SGCD: variants seen among roughly 807,000 people sequenced by gnomAD.
SGCD encodes the protein sarcoglycan delta.
A neutral mutation model predicts 36.6 loss-of-function variants in SGCD; 18 were observed. The observed-to-expected ratio is 0.49, with a 90% CI of 0.34 to 0.73. The LOEUF is 0.73. Ranked by LOEUF, SGCD falls within the 30% of genes least tolerant of loss-of-function variation. The pLI is 0.01. For synonymous variants in SGCD, 133 were observed against 130.6 expected, an observed-to-expected ratio of 1.02 and a Z score of -0.12; for missense variants, 387 against 346.7, an observed-to-expected ratio of 1.12 and a Z score of -0.92.
chr5:156,682,872 C>T (rs919335416), intron 7 of SGCD, among the ~76,000 whole-genome samples: 3 of 152,180 alleles, frequency 2.0e-5, no homozygotes, highest in African/African-American at 7.2e-5. Flanking sequence ...TACACATGCA[C>T]ACAGTAGAAT....
the SGCD span, among the ~76,000 whole-genome samples, chr5:155,755,374 C>A: frequency 6.6e-6 from 1 of 152,160 alleles, no homozygotes. Context: ...GTTTGTACTG[C>A]TCTGAGACCT....
intron 3 of SGCD, among the ~76,000 whole-genome samples, chr5:156,241,577 A>G (rs1765309332): frequency 6.6e-6 from 1 of 152,210 alleles, no homozygotes; most frequent in African/African-American, 2.4e-5. Context: ...TCCTTCTTTA[A>G]GAACTTTCCC....
At chr5:156,146,161 T>C (rs764702029) in intron 3 of SGCD, among the ~76,000 whole-genome samples, 2 of 152,054 alleles carry the variant, frequency 1.3e-5, no homozygotes, top group African/African-American at 4.8e-5. Flanking sequence ...TGCAGTGAGC[T>C]GAGATAGCGC....
intron 7 of SGCD, among the ~76,000 whole-genome samples, chr5:156,649,851 T>C (rs951706119): frequency 1.3e-5 from 2 of 152,028 alleles, no homozygotes; most frequent in Non-Finnish European, 2.9e-5. Context: ...CCCTAAAATT[T>C]GAAGTATAAT....
Position 156,610,538 on chromosome 5 carries a change from G to A in SGCD, c.502+15487G>A, listed in dbSNP as rs538472901. ...TGTCCGTTCTCAGATCTCCAGCTGC[G>A]TGCTGGGAGAACCACTACTCTCTTC... On this transcript the variant is annotated intron_variant, in intron 6 of 8. Coordinates refer to ENST00000337851, the MANE Select transcript of SGCD (RefSeq NM_000337.6). Among the ~76,000 whole-genome samples the A allele has an allele frequency of 1.3e-4, 20 of 152,354 alleles. No individual in the cohort carries two copies. In the East Asian group the frequency reaches 1.3e-3, roughly 10 times the overall value.
chr5:156,098,895 G>A (rs1761447785), intron 1 of SGCD, among the ~76,000 whole-genome samples: 2 of 152,186 alleles, frequency 1.3e-5, no homozygotes, highest in Non-Finnish European at 2.9e-5. Context: ...GGAAAGAGAT[G>A]CCTCAAGTTC....
At chr5:155,835,372 T>C in the SGCD span, among the ~76,000 whole-genome samples, 1 of 152,078 alleles carries the variant, frequency 6.6e-6, no homozygotes, top group Admixed American at 6.6e-5. Flanking sequence ...ATGTGAAAAA[T>C]GCAAACAATC....
chr5:156,487,368 G>A (rs1480071094), intron 3 of SGCD, among the ~76,000 whole-genome samples: 1 of 152,148 alleles, frequency 6.6e-6, no homozygotes, highest in African/African-American at 2.4e-5. Flanking sequence ...TTTCCCTATG[G>A]TAGCCAAGAC....
intron 1 of SGCD, among the ~76,000 whole-genome samples, chr5:155,890,117 G>A (rs1029906961): frequency 7.9e-5 from 12 of 152,156 alleles, no homozygotes; most frequent in African/African-American, 2.7e-4. Flanking sequence ...AATACTCATG[G>A]CTATATTTGA....
chr5:156,668,637 G>A (rs937817075), intron 7 of SGCD, among the ~76,000 whole-genome samples: 2 of 152,116 alleles, frequency 1.3e-5, no homozygotes, highest in African/African-American at 4.8e-5. Context: ...TTCCATTAGA[G>A]ACCAGGGAAG....
At chr5:155,984,459 A>C (rs531817949) in intron 1 of SGCD, among the ~76,000 whole-genome samples, 5 of 152,246 alleles carry the variant, frequency 3.3e-5, no homozygotes, top group African/African-American at 1.2e-4. Flanking sequence ...TTTCATGTAC[A>C]TGACCGTTTC....
intron 3 of SGCD, among the ~76,000 whole-genome samples, chr5:156,503,249 C>T (rs1434649427): frequency 6.6e-6 from 1 of 152,120 alleles, no homozygotes; most frequent in Non-Finnish European, 1.5e-5. Flanking sequence ...TTAGAGGGGC[C>T]TTCTCTTTTT....
rs1231500940 is a variant in SGCD at position 155,954,330 on chromosome 5, G to A, written c.-282+83906G>A. ...CTTCTTAGGTCATAAATTCGCTTTC[G>A]ACTGAATTAATTGCAGAAGTATGCA... is the stretch of plus-strand genomic sequence containing the variant. On this transcript the variant is annotated intron_variant, in intron 1 of 9. Coordinates refer to the SGCD transcript ENST00000517913. Among the ~76,000 whole-genome samples the A allele has an allele frequency of 2.0e-5, 3 of 152,110 alleles. 1 individual carries two copies. The South Asian group carries it at 6.2e-4, about 31-fold the overall frequency.
At chr5:155,800,602 T>TA in the SGCD span, among the ~76,000 whole-genome samples, 1 of 152,150 alleles carries the variant, frequency 6.6e-6, no homozygotes, top group South Asian at 2.1e-4. Flanking sequence ...TTTTTCATCT[T>TA]AAAACTTCAG....
intron 4 of SGCD, among the ~76,000 whole-genome samples, chr5:156,517,890 T>C (rs1561749855): frequency 2.0e-5 from 3 of 152,068 alleles, no homozygotes; most frequent in African/African-American, 7.2e-5. Flanking sequence ...AAAAAACACA[T>C]TGAAGTACAA....
intron 1 of SGCD, among the ~76,000 whole-genome samples, chr5:156,060,033 A>C (rs541736948): frequency 2.0e-5 from 3 of 146,708 alleles, no homozygotes; most frequent in Non-Finnish European, 4.6e-5. Flanking sequence ...AGATGCTCAT[A>C]AGTCAGTGGA....
At chr5:156,202,970 T>A (rs1764187529) in intron 3 of SGCD, among the ~76,000 whole-genome samples, 1 of 152,094 alleles carries the variant, frequency 6.6e-6, no homozygotes, top group African/African-American at 2.4e-5. Context: ...AAATACAGGT[T>A]TTAACAAAGT....
the SGCD span, among the ~76,000 whole-genome samples, chr5:155,819,246 C>T: frequency 2.0e-5 from 3 of 152,144 alleles, no homozygotes; most frequent in Admixed American, 2.0e-4. Context: ...TCTCTATAAA[C>T]TTGAAATTCC....
chr5:156,013,780 G>A (rs1207135791), intron 1 of SGCD, among the ~76,000 whole-genome samples: 1 of 151,658 alleles, frequency 6.6e-6, no homozygotes, highest in East Asian at 1.9e-4. Context: ...TTTATTTATG[G>A]TATTTTTTAC....
Sources: gnomAD v4.1 joint callset for allele counts (sites outside exome capture counted in the v4.1 genomes callset) on GRCh38, gnomAD v4.1.1 for gene constraint, MANE v1.5 for transcripts, NCBI Gene and HGNC (gene_info 2026-07-23, HGNC 2026-07-21) for gene names.